The following RPH3A variants were observed in gnomAD, a reference collection of about 807,000 sequenced individuals.
RPH3A encodes the protein rabphilin 3A.
A neutral mutation model predicts 102.2 loss-of-function variants in RPH3A; 48 were observed. The ratio of observed to expected loss-of-function variants is 0.47; its 90% confidence interval spans 0.37 to 0.60. The LOEUF (loss-of-function observed/expected upper bound fraction) is 0.60, where lower values mean the gene tolerates loss of function less well. Ranked by LOEUF, RPH3A falls within the 20% of genes least tolerant of loss-of-function variation. The pLI is 0.00. For missense variants in RPH3A, 781 were observed against 910.1 expected (o/e 0.86, Z 1.83); for synonymous variants, 310 against 324.3 (o/e 0.96, Z 0.47).
chr12:112,894,929 G>A (rs1037512673), intron 20 of RPH3A, among the ~76,000 whole-genome samples: 6 of 152,114 alleles, frequency 3.9e-5, no homozygotes, highest in African/African-American at 1.4e-4. Context: ...ACACATGTGG[G>A]GGAATGTTGA....
Position 112,895,670 on chromosome 12 carries a change from C to G in RPH3A, c.1858-107C>G. 5.7e-6 allele frequency: 4 copies of G among 705,426 alleles called. No individual in the cohort carries two copies. The South Asian group carries it at 6.8e-5, about 12-fold the overall frequency. The allele number at this position is 705,426 out of a possible 1,614,324, so 43.7% of individuals were successfully genotyped here. On this transcript the variant is annotated intron_variant, in intron 20 of 21. Coordinates refer to ENST00000389385, the MANE Select transcript of RPH3A (RefSeq NM_001143854.2). Reference sequence around the variant, plus strand: ...GACCTCCTTGCTCCCAGAATGCCAGCTCAAGGACCTCTCCTTGGCCCATAA... The same window carrying G: ...GACCTCCTTGCTCCCAGAATGCCAGGTCAAGGACCTCTCCTTGGCCCATAA...
Position 112,897,836 on chromosome 12 carries a change from T to A in RPH3A, c.*1056T>A, listed in dbSNP as rs968902289. 6.6e-6 allele frequency: 1 copy of A among 152,194 alleles called. No homozygotes were observed. Among genetic ancestry groups the A allele is most frequent in the African/African-American group, 2.4e-5 (1 of 41,432 alleles). The allele number at this position is 152,194 out of a possible 1,614,324, so 9.4% of individuals were successfully genotyped here. ...GGCAGCATCCCTCAAGCTGTGTAGA[T>A]GCCCCATAGAGGACTCTCTCATCCG... is the stretch of plus-strand genomic sequence containing the variant. On this transcript the variant is annotated 3_prime_UTR_variant, in exon 22 of 22. Coordinates refer to ENST00000389385, the MANE Select transcript of RPH3A (RefSeq NM_001143854.2).
At chr12:112,714,036 C>T (rs1486787089) in intron 1 of RPH3A, among the ~76,000 whole-genome samples, 1 of 152,138 alleles carries the variant, frequency 6.6e-6, no homozygotes, top group Non-Finnish European at 1.5e-5. Flanking sequence ...CATGGGATAA[C>T]ATGAGGCCTA....
intron 7 of RPH3A, chr12:112,868,175 AT>A (rs557504722): frequency 6.7e-6 from 3 of 444,908 alleles, no homozygotes; most frequent in African/African-American, 5.8e-5. Context: ...AGTCCTTAAG[AT>A]TTTGGATATT....
intron 1 of RPH3A, among the ~76,000 whole-genome samples, chr12:112,743,680 T>G (rs73196577): frequency 0.1 from 14,961 of 150,042 alleles, 826 homozygotes; most frequent in Middle Eastern, 0.15. Context: ...GAGTTTAGGG[T>G]TTTTTTTTCC....
At chr12:112,787,405 C>A (rs1207570782), upstream of RPH3A, among the ~76,000 whole-genome samples, 2 of 152,228 alleles carry the variant, frequency 1.3e-5, no homozygotes, top group South Asian at 4.1e-4. Flanking sequence ...CATTCTCCCC[C>A]TCTTCCTGGC....
chr12:112,641,959 G>T (rs2039894276), intron 1 of RPH3A, among the ~76,000 whole-genome samples: 1 of 152,098 alleles, frequency 6.6e-6, no homozygotes, highest in African/African-American at 2.4e-5. Flanking sequence ...TTCAGGTGAG[G>T]CACAGAGAGG....
chr12:112,645,704 C>T (rs989868974), intron 1 of RPH3A, among the ~76,000 whole-genome samples: 1 of 152,124 alleles, frequency 6.6e-6, no homozygotes, highest in African/African-American at 2.4e-5. Context: ...TAGGATGTCT[C>T]TTAAGTATCT....
chr12:112,699,315 C>T (rs2040375458), intron 1 of RPH3A, among the ~76,000 whole-genome samples: 1 of 152,174 alleles, frequency 6.6e-6, no homozygotes, highest in Non-Finnish European at 1.5e-5. Flanking sequence ...AAACATATGA[C>T]CAGATCTGTT....
chr12:112,642,774 T>C (rs2039899821), intron 1 of RPH3A, among the ~76,000 whole-genome samples: 1 of 152,222 alleles, frequency 6.6e-6, no homozygotes, highest in African/African-American at 2.4e-5. Context: ...CAGGCACTCT[T>C]CTAAGACTTT....
intron 1 of RPH3A, among the ~76,000 whole-genome samples, chr12:112,644,940 G>C (rs1288624882): frequency 6.6e-6 from 1 of 152,182 alleles, no homozygotes; most frequent in Non-Finnish European, 1.5e-5. Flanking sequence ...GAGAGACCAA[G>C]CTTTGATCAC....
intron 1 of RPH3A, among the ~76,000 whole-genome samples, chr12:112,767,941 G>A (rs1289738402): frequency 6.6e-6 from 1 of 152,156 alleles, no homozygotes; most frequent in African/African-American, 2.4e-5. Context: ...AAGTAGATTA[G>A]TGGTTGCCAG....
intron 1 of RPH3A, among the ~76,000 whole-genome samples, chr12:112,749,175 A>C (rs1241277961): frequency 6.6e-6 from 1 of 152,196 alleles, no homozygotes; most frequent in East Asian, 1.9e-4. Context: ...TGTGTTGTCA[A>C]GGCCATTCTA....
rs575514572 is a variant in RPH3A at position 112,897,860 on chromosome 12, C to G, written c.*1080C>G. 6.6e-6 allele frequency: 1 copy of G among 151,664 alleles called. No individual in the cohort carries two copies. The highest frequency in any genetic ancestry group is 2.4e-5 in the African/African-American group (1 of 41,208). 9.4% of individuals were successfully genotyped at this position (151,664 alleles called of 1,614,324 possible). A position where few individuals can be genotyped will look rare whatever the true frequency, so the allele number is the denominator to read the frequency against. On this transcript the variant is annotated 3_prime_UTR_variant, in exon 22 of 22. Coordinates refer to ENST00000389385, the MANE Select transcript of RPH3A (RefSeq NM_001143854.2). The stretch of plus-strand genomic sequence containing the variant: ...ATGCCCCATAGAGGACTCTCTCATC[C>G]GTGGGCTCCCCGGGTGGGCACGGAG...
intron 10 of RPH3A, among the ~76,000 whole-genome samples, chr12:112,871,384 T>C (rs2384069): frequency 0.5 from 75,372 of 151,932 alleles, 19,497 homozygotes; most frequent in African/African-American, 0.63. Context: ...AACCACTCTT[T>C]TTGATTCTGT....
In RPH3A at chr12:112,816,468, A is replaced by G. The variant is rs539634334; in HGVS notation, c.-18-11833A>G. ...GTCTTCAGAGCTGGGACCCAGGCTG[A>G]GGAAGGCTCTATCTTCATATGTACA... On this transcript the variant is annotated intron_variant, in intron 2 of 21. Coordinates refer to ENST00000389385, the MANE Select transcript of RPH3A (RefSeq NM_001143854.2). Among the ~76,000 whole-genome samples the G allele has an allele frequency of 1.2e-4, 18 of 152,306 alleles. No individual in the cohort carries two copies. In the East Asian group the frequency reaches 3.3e-3, roughly 28 times the overall value.
chr12:112,871,222 A>G (rs575922454), intron 10 of RPH3A, among the ~76,000 whole-genome samples: 3 of 152,388 alleles, frequency 2.0e-5, no homozygotes, highest in East Asian at 3.9e-4. Flanking sequence ...TACCATTTTA[A>G]CCATTTTCAT....
intron 1 of RPH3A, chr12:112,651,958 T>C (rs1428134801): frequency 6.6e-6 from 1 of 152,248 alleles, no homozygotes; most frequent in Non-Finnish European, 1.5e-5. Flanking sequence ...TAATATTTCA[T>C]TGTATGGCTA....
intron 1 of RPH3A, among the ~76,000 whole-genome samples, chr12:112,655,126 A>G (rs759739047): frequency 1.1e-4 from 17 of 152,302 alleles, no homozygotes; most frequent in South Asian, 6.2e-4. Flanking sequence ...AGCCTGCAAC[A>G]TTGTCTCAGA....
Sources: allele counts gnomAD v4.1 joint callset (sites outside exome capture counted in the v4.1 genomes callset), GRCh38; gene constraint gnomAD v4.1.1; transcripts MANE v1.5; gene names NCBI Gene and HGNC (gene_info 2026-07-23, HGNC 2026-07-21).